ST6GALNAC3: variants seen among roughly 807,000 people sequenced by gnomAD.
ST6GALNAC3 encodes ST6 N-acetylgalactosaminide alpha-2,6-sialyltransferase 3, also known as alpha-N-acetylgalactosaminide alpha-2,6-sialyltransferase 3.
Under a neutral mutation model 32.7 loss-of-function variants are expected in ST6GALNAC3, and 25 were observed. The ratio of observed to expected loss-of-function variants is 0.76; its 90% CI spans 0.56 to 1.07. The LOEUF is 1.07. Among genes scored for constraint, ST6GALNAC3 ranks in the 50% least tolerant of loss-of-function variants. ST6GALNAC3 has a pLI of 0.00. For missense variants in ST6GALNAC3, 355 were observed against 382.4 expected (o/e 0.93, Z 0.60); for synonymous variants, 129 against 133.1 (o/e 0.97, Z 0.21).
chr1:76,321,530 A>G (rs1646966443), intron 2 of ST6GALNAC3, among the ~76,000 whole-genome samples: 1 of 152,196 alleles, frequency 6.6e-6, no homozygotes, highest in African/African-American at 2.4e-5. Flanking sequence ...GTTATTTTAC[A>G]GCCACCACCA....
In ST6GALNAC3 at chr1:76,335,430, A is replaced by AACAC. The variant is rs60059592; in HGVS notation, c.213+21456_213+21459dup. Among the ~76,000 whole-genome samples, 1,172 of 145,370 alleles carry AACAC rather than the reference A, an allele frequency of 8.1e-3. 7 individuals are homozygous for AACAC. Among genetic ancestry groups the AACAC allele is most frequent in the East Asian group, 0.039 (191 of 4,942 alleles). On this transcript the variant is annotated intron_variant, in intron 2 of 4. Coordinates refer to ENST00000328299, the MANE Select transcript of ST6GALNAC3 (RefSeq NM_152996.4). ...GACAGGATGTGATCTCATCACAGGG[A>AACAC]ACACACACACACACACACACACACA...
At chr1:76,483,061 T>G (rs1235120454) in intron 3 of ST6GALNAC3, among the ~76,000 whole-genome samples, 1 of 152,092 alleles carries the variant, frequency 6.6e-6, no homozygotes, top group African/African-American at 2.4e-5. Context: ...GAACTTATCC[T>G]TTTTATGGCT....
chr1:76,567,831 C>T (rs1169034695), intron 3 of ST6GALNAC3, among the ~76,000 whole-genome samples: 1 of 152,106 alleles, frequency 6.6e-6, no homozygotes, highest in Non-Finnish European at 1.5e-5. Flanking sequence ...TAAGGGAGGA[C>T]CTGTCTTCCT....
At chr1:76,207,516 T>C (rs1654887465) in intron 1 of ST6GALNAC3, among the ~76,000 whole-genome samples, 1 of 152,238 alleles carries the variant, frequency 6.6e-6, no homozygotes, top group African/African-American at 2.4e-5. Context: ...TCTAAAAGCA[T>C]GGCACTGGCA....
chr1:76,586,661 A>G (rs1404020819), intron 3 of ST6GALNAC3, among the ~76,000 whole-genome samples: 1 of 152,236 alleles, frequency 6.6e-6, no homozygotes, highest in Non-Finnish European at 1.5e-5. Context: ...AACCAAAGGC[A>G]TTTTAATTTT....
intron 2 of ST6GALNAC3, among the ~76,000 whole-genome samples, chr1:76,381,861 T>G (rs1313567328): frequency 6.6e-6 from 1 of 152,000 alleles, no homozygotes; most frequent in Non-Finnish European, 1.5e-5. Flanking sequence ...GCACGTGACT[T>G]TCCCTGAGGA....
chr1:76,082,720 A>C (rs1333628038), intron 1 of ST6GALNAC3, among the ~76,000 whole-genome samples: 3 of 151,824 alleles, frequency 2.0e-5, no homozygotes, highest in Admixed American at 1.3e-4. Context: ...CTTACCCCAC[A>C]CTCCATATCT....
intron 1 of ST6GALNAC3, among the ~76,000 whole-genome samples, chr1:76,143,269 C>T (rs1387121407): frequency 6.6e-6 from 1 of 152,122 alleles, no homozygotes; most frequent in African/African-American, 2.4e-5. Flanking sequence ...TTTACAGTGC[C>T]TATAGAGCAT....
chr1:76,110,036 TA>T (rs1255599958), intron 1 of ST6GALNAC3, among the ~76,000 whole-genome samples: 1 of 152,254 alleles, frequency 6.6e-6, no homozygotes, highest in Non-Finnish European at 1.5e-5. Flanking sequence ...CACTGAAGTT[TA>T]ATTTGTTTAT....
intron 1 of ST6GALNAC3, among the ~76,000 whole-genome samples, chr1:76,114,449 G>T (rs1210598191): frequency 6.6e-6 from 1 of 152,162 alleles, no homozygotes; most frequent in Non-Finnish European, 1.5e-5. Flanking sequence ...CTCAGCAATA[G>T]AGTGATTTTC....
chr1:76,292,433 T>G (rs1404211943), intron 1 of ST6GALNAC3, among the ~76,000 whole-genome samples: 1 of 152,166 alleles, frequency 6.6e-6, no homozygotes, highest in Non-Finnish European at 1.5e-5. Flanking sequence ...ATGAAATGTT[T>G]GTAGAAAGAA....
intron 3 of ST6GALNAC3, among the ~76,000 whole-genome samples, chr1:76,559,616 T>A (rs977284130): frequency 3.0e-4 from 45 of 151,492 alleles, no homozygotes; most frequent in African/African-American, 1.0e-3. Flanking sequence ...GGAGTAGGAG[T>A]CTCCACTGAT....
At chr1:76,232,496 C>T (rs1272737003) in intron 1 of ST6GALNAC3, among the ~76,000 whole-genome samples, 1 of 152,168 alleles carries the variant, frequency 6.6e-6, no homozygotes, top group Non-Finnish European at 1.5e-5. Flanking sequence ...TGGGACCAAG[C>T]CTGTGCTCTG....
At chr1:76,227,147 A>G (rs479650) in intron 1 of ST6GALNAC3, among the ~76,000 whole-genome samples, 24,371 of 152,136 alleles carry the variant, frequency 0.16, 2,206 homozygotes, top group Middle Eastern at 0.23. Flanking sequence ...AGTGTATTTC[A>G]ATTTTTAAAA....
chr1:76,181,867 G>GA (rs1427205168), intron 1 of ST6GALNAC3, among the ~76,000 whole-genome samples: 13 of 152,100 alleles, frequency 8.5e-5, no homozygotes, highest in Non-Finnish European at 1.6e-4. Context: ...CATTTCAACA[G>GA]AAAAAAATGA....
intron 3 of ST6GALNAC3, among the ~76,000 whole-genome samples, chr1:76,438,629 C>G (rs959570734): frequency 3.3e-5 from 5 of 152,156 alleles, no homozygotes; most frequent in African/African-American, 1.2e-4. Flanking sequence ...TATAAGAACA[C>G]TTTAAGCTTC....
intron 3 of ST6GALNAC3, among the ~76,000 whole-genome samples, chr1:76,524,489 G>A (rs892630915): frequency 6.6e-6 from 1 of 151,880 alleles, no homozygotes; most frequent in Non-Finnish European, 1.5e-5. Context: ...ATTTCTTAAA[G>A]GTAAAGACTT....
chr1:76,481,342 A>G (rs1237165955), intron 3 of ST6GALNAC3, among the ~76,000 whole-genome samples: 1 of 152,162 alleles, frequency 6.6e-6, no homozygotes, highest in Non-Finnish European at 1.5e-5. Flanking sequence ...GGTTTCAACA[A>G]ACTCTAACTT....
chr1:76,555,772 C>A (rs1664880512), intron 3 of ST6GALNAC3, among the ~76,000 whole-genome samples: 1 of 152,188 alleles, frequency 6.6e-6, no homozygotes, highest in Admixed American at 6.5e-5. Context: ...ATAAAGATTA[C>A]AGTAGAATTC....
Sources: gnomAD v4.1 joint callset for allele counts (sites outside exome capture counted in the v4.1 genomes callset) on GRCh38, gnomAD v4.1.1 for gene constraint, MANE v1.5 for transcripts, NCBI Gene and HGNC (gene_info 2026-07-23, HGNC 2026-07-21) for gene names.